Variants in PTPRD observed in about 807,000 individuals in gnomAD.
PTPRD encodes protein tyrosine phosphatase receptor type D, also known as receptor-type tyrosine-protein phosphatase delta.
Under a neutral mutation model 214.5 loss-of-function variants are expected in PTPRD, and 34 were observed. The observed-to-expected ratio is 0.16, with a 90% CI of 0.12 to 0.21. PTPRD has a LOEUF of 0.21. Among genes scored for constraint, PTPRD ranks in the 10% least tolerant of loss-of-function variants. The probability of loss-of-function intolerance (pLI) is 1.00; values close to 1 mark genes in which losing one functional copy is unlikely to be tolerated. For missense variants in PTPRD, 2,545 were observed against 2,398.7 expected, an observed-to-expected ratio of 1.06 and a Z score of -1.27; for synonymous variants, 1,128 against 845.7, an observed-to-expected ratio of 1.33 and a Z score of -5.79.
chr9:10,518,671 T>C (rs570947372), intron 2 of PTPRD, among the ~76,000 whole-genome samples: 21 of 152,110 alleles, frequency 1.4e-4, no homozygotes, highest in South Asian at 2.1e-4. Context: ...TAGCTGGGAC[T>C]ACAGGCGCCC....
intron 9 of PTPRD, among the ~76,000 whole-genome samples, chr9:9,246,740 A>G (rs532544239): frequency 6.6e-6 from 1 of 152,166 alleles, no homozygotes; most frequent in East Asian, 1.9e-4. Flanking sequence ...GGACTGGCCT[A>G]TTCTTGGAGC....
chr9:9,298,149 A>G (rs1383829485), intron 9 of PTPRD, among the ~76,000 whole-genome samples: 2 of 151,688 alleles, frequency 1.3e-5, no homozygotes, highest in Non-Finnish European at 3.0e-5. Context: ...GAAAAGGAAG[A>G]AAGTTTGAAC....
chr9:10,100,618 ATTAT>A (rs1177630353), intron 3 of PTPRD, among the ~76,000 whole-genome samples: 1 of 151,704 alleles, frequency 6.6e-6, no homozygotes, highest in African/African-American at 2.4e-5. Flanking sequence ...TCTTTTTGTT[ATTAT>A]TTATAGTTTT....
intron 4 of PTPRD, among the ~76,000 whole-genome samples, chr9:9,971,105 C>CT (rs1211935345): frequency 6.6e-6 from 1 of 151,952 alleles, no homozygotes; most frequent in Non-Finnish European, 1.5e-5. Flanking sequence ...GCCTAAAGAA[C>CT]TTTTATAAAT....
intron 9 of PTPRD, among the ~76,000 whole-genome samples, chr9:9,391,306 T>C (rs753619587): frequency 3.3e-5 from 5 of 152,178 alleles, no homozygotes; most frequent in African/African-American, 9.6e-5. Flanking sequence ...TTAAATGATA[T>C]TGATAAACAA....
intron 3 of PTPRD, among the ~76,000 whole-genome samples, chr9:10,219,889 T>C (rs1404670328): frequency 1.3e-5 from 2 of 151,688 alleles, no homozygotes; most frequent in Non-Finnish European, 2.9e-5. Context: ...ATTTCATAAA[T>C]ACAAAAATGA....
chr9:8,600,580 A>AG (rs1244288933), intron 14 of PTPRD, among the ~76,000 whole-genome samples: 2 of 151,840 alleles, frequency 1.3e-5, no homozygotes, highest in Non-Finnish European at 2.9e-5. Flanking sequence ...ACACAGCCAC[A>AG]GTAGGATGGG....
intron 2 of PTPRD, among the ~76,000 whole-genome samples, chr9:10,355,714 G>C (rs1266201460): frequency 2.6e-5 from 4 of 152,068 alleles, no homozygotes; most frequent in Non-Finnish European, 5.9e-5. Flanking sequence ...CCGACCTCAG[G>C]TGATCCGCCC....
intron 4 of PTPRD, among the ~76,000 whole-genome samples, chr9:9,950,857 A>T (rs1462199866): frequency 2.6e-5 from 4 of 151,270 alleles, no homozygotes; most frequent in Non-Finnish European, 5.9e-5. Context: ...TTCCTATTAC[A>T]TGGGAGTATG....
intron 8 of PTPRD, among the ~76,000 whole-genome samples, chr9:9,469,233 T>A (rs1309578109): frequency 6.6e-6 from 1 of 152,146 alleles, no homozygotes; most frequent in Non-Finnish European, 1.5e-5. Flanking sequence ...ATTAAATTCA[T>A]GTGCTTTTTA....
intron 8 of PTPRD, among the ~76,000 whole-genome samples, chr9:9,411,158 T>C (rs1053207318): frequency 2.0e-5 from 3 of 152,034 alleles, no homozygotes; most frequent in Non-Finnish European, 4.4e-5. Flanking sequence ...AGATTACATA[T>C]TAAACTCCAG....
At chr9:9,016,272 G>A (rs547691448) in intron 11 of PTPRD, among the ~76,000 whole-genome samples, 13 of 152,158 alleles carry the variant, frequency 8.5e-5, no homozygotes, top group African/African-American at 2.9e-4. Flanking sequence ...CCAAATAGTT[G>A]CACTAAAAAT....
chr9:9,495,471 A>C (rs1209118444), intron 8 of PTPRD, among the ~76,000 whole-genome samples: 2 of 151,844 alleles, frequency 1.3e-5, no homozygotes, highest in East Asian at 3.9e-4. Flanking sequence ...TTTTCCAAAA[A>C]CCCTACAGCC....
intron 8 of PTPRD, among the ~76,000 whole-genome samples, chr9:9,416,518 C>A (rs1188435901): frequency 3.3e-5 from 5 of 152,182 alleles, no homozygotes; most frequent in African/African-American, 9.6e-5. Context: ...GCTGTCAGAA[C>A]ACGTCCAATT....
At chr9:9,353,236 C>G (rs1376907362) in intron 9 of PTPRD, among the ~76,000 whole-genome samples, 1 of 151,722 alleles carries the variant, frequency 6.6e-6, no homozygotes, top group Non-Finnish European at 1.5e-5. Context: ...TGTCTGTTAC[C>G]AAACTCTTAA....
chr9:9,989,054 T>A (rs1198106923), intron 4 of PTPRD, among the ~76,000 whole-genome samples: 2 of 129,566 alleles, frequency 1.5e-5, no homozygotes, highest in Admixed American at 1.6e-4. Flanking sequence ...AACCACAGAC[T>A]TTACACAGTT....
intron 2 of PTPRD, among the ~76,000 whole-genome samples, chr9:10,590,989 T>C (rs1292641506): frequency 6.6e-6 from 1 of 151,856 alleles, no homozygotes; most frequent in Non-Finnish European, 1.5e-5. Context: ...AAAACAGATC[T>C]TCATAATTGA....
chr9:9,884,684 C>T (rs1443985832), intron 5 of PTPRD, among the ~76,000 whole-genome samples: 2 of 152,040 alleles, frequency 1.3e-5, no homozygotes, highest in East Asian at 3.9e-4. Context: ...TGGGAGGGAC[C>T]TGGTGAAAGG....
chr9:9,646,318 G>GGT (rs369865111), intron 7 of PTPRD, among the ~76,000 whole-genome samples: 2,638 of 137,226 alleles, frequency 0.019, 31 homozygotes, highest in Middle Eastern at 0.044. Flanking sequence ...TGTGTGTGTG[G>GGT]GTGTGTGTGT....
Sources: gnomAD v4.1 joint callset for allele counts (sites outside exome capture counted in the v4.1 genomes callset) on GRCh38, gnomAD v4.1.1 for gene constraint, MANE v1.5 for transcripts, NCBI Gene and HGNC (gene_info 2026-07-23, HGNC 2026-07-21) for gene names.